MYL10: variants seen among roughly 807,000 people sequenced by gnomAD.
The protein encoded by MYL10 is myosin light chain 10.
Under a neutral mutation model 21.9 loss-of-function variants are expected in MYL10, and 18 were observed. The observed-to-expected ratio is 0.82, with a 90% CI of 0.57 to 1.22. The LOEUF (loss-of-function observed/expected upper bound fraction) is 1.22, where lower values mean the gene tolerates loss of function less well. MYL10 is among the 50% of genes most tolerant of loss of function. The pLI, the probability that MYL10 is intolerant of heterozygous loss-of-function variation, is 0.00. For missense variants in MYL10, 225 were observed against 230.4 expected, an observed-to-expected ratio of 0.98 and a Z score of 0.15; for synonymous variants, 88 against 82.8, an observed-to-expected ratio of 1.06 and a Z score of -0.34.
chr7:101,627,368 G>T, intron 1 of MYL10: 1 of 151,804 alleles, frequency 6.6e-6, no homozygotes, highest in South Asian at 2.0e-4. Context: ...GGGAGGGAGG[G>T]GACCGCAGTG....
chr7:101,616,387 GGGGCAAGT>G, intron 5 of MYL10, 89 bp from the exon 6 acceptor site: 1 of 1,030,030 alleles, frequency 9.7e-7, no homozygotes, highest in Non-Finnish European at 1.5e-6. Flanking sequence ...GCTGGGGCTG[GGGGCAAGT>G]CCCACGGCCC....
At chr7:101,622,926 C>T in intron 4 of MYL10, 71 bp downstream of exon 4, 1 of 1,443,862 alleles carries the variant, frequency 6.9e-7, no homozygotes, top group Non-Finnish European at 9.7e-7. Flanking sequence ...GAGCCCTGCC[C>T]TGCTGGCCCC....
At chr7:101,628,713 C>T (rs1369989537) in intron 1 of MYL10, among the ~76,000 whole-genome samples, 1 of 152,216 alleles carries the variant, frequency 6.6e-6, no homozygotes, top group Non-Finnish European at 1.5e-5. Context: ...CATATCTGAA[C>T]AGCTGCCAGG....
chr7:101,624,333 C>A, intron 1 of MYL10, 69 bp from the exon 2 acceptor site: 2 of 1,164,056 alleles, frequency 1.7e-6, no homozygotes, highest in African/African-American at 1.5e-5. Context: ...CCCTGTCTCA[C>A]CTCCCAGGGC....
chr7:101,628,997 G>A, intron 1 of MYL10, 44 bp downstream of exon 1: 4 of 452,128 alleles, frequency 8.8e-6, no homozygotes, highest in Non-Finnish European at 1.8e-5. Flanking sequence ...CTCACCCAAG[G>A]CAGATAAGAA....
rs186580198 is a variant in MYL10, at chr7:101,624,018, G to C, written c.175C>G (p.Leu59Val). The part of the protein sequence containing the change: ...QSQIQEFKES[L>V]ALSPRLERNG... Reference sequence around the variant, plus strand: ...CGCTCCAGCCTGGGCGACAGAGCCAGACTCTGTCAAACAAACAAATAATAA... The same window carrying C: ...CGCTCCAGCCTGGGCGACAGAGCCACACTCTGTCAAACAAACAAATAATAA... Residue 59 changes from leucine to valine, a missense_variant, in exon 3 of 8, where the codon CTG becomes GTG. Physicochemically the swap from Leu to Val is conservative, Grantham distance 32 (BLOSUM62 1). Transcript: ENST00000223167. The C allele has an allele frequency of 0.011, 6,742 of 631,472 alleles. 47 individuals carry two copies. The highest frequency in any genetic ancestry group is 0.019 in the Middle Eastern group (52 of 2,732). 39.1% of individuals were successfully genotyped at this position (631,472 alleles called of 1,614,324 possible). A position where few individuals can be genotyped will look rare whatever the true frequency, so the allele number is the denominator to read the frequency against.
chr7:101,625,970 C>T (rs1796741114), intron 1 of MYL10, among the ~76,000 whole-genome samples: 1 of 151,798 alleles, frequency 6.6e-6, no homozygotes, highest in Admixed American at 6.6e-5. Context: ...CCCAGAGCTC[C>T]ACGAGGGAGG....
In MYL10 at chr7:101,624,158, G is replaced by GGCA; in HGVS notation, c.171+11_171+13dup. 1 of 1,561,238 alleles carries GGCA rather than the reference G, an allele frequency of 6.4e-7. No homozygotes were observed. The highest frequency in any genetic ancestry group is 1.7e-5 in the Admixed American group (1 of 58,642). On this transcript the variant is annotated intron_variant, in intron 2 of 7. Coordinates refer to ENST00000223167, the MANE Select transcript of MYL10 (RefSeq NM_138403.5). ...AAGAATCCTCATAACAGCCCCATGG[G>GGCA]GCAGCAGACCAACCTCTTTAAACTC...
rs888425546 is a variant in MYL10, at chr7:101,613,383, C to T, written c.*92G>A. The T allele has an allele frequency of 1.9e-6, 2 of 1,050,768 alleles. No individual in the cohort carries two copies. The highest frequency in any genetic ancestry group is 2.9e-6 in the Non-Finnish European group (2 of 683,084). The allele number at this position is 1,050,768 out of a possible 1,614,324, so 65.1% of individuals were successfully genotyped here. On this transcript the variant is annotated 3_prime_UTR_variant, in exon 8 of 8. Coordinates refer to ENST00000223167, the MANE Select transcript of MYL10 (RefSeq NM_138403.5). ...GTCCCCAACCGTAGGACAAGGGAAG[C>T]CTTTTTCCTGCAGCCTCTGGCTGCA... is the stretch of plus-strand genomic sequence containing the variant.
chr7:101,627,859 C>T (rs1796765311), intron 1 of MYL10, among the ~76,000 whole-genome samples: 1 of 152,254 alleles, frequency 6.6e-6, no homozygotes, highest in South Asian at 2.1e-4. Context: ...GAGTGTTGCC[C>T]AGGGTGGGGC....
rs146278444 is a variant in MYL10 at position 101,626,115 on chromosome 7, G to A, written c.79-1851C>T. The stretch of plus-strand genomic sequence containing the variant: ...TGAAAGGAACATCTCAGGGAAGAAG[G>A]GGGGGTCACCCGGATCTGGGTTCAA... On this transcript the variant is annotated intron_variant, in intron 1 of 7. Transcript: ENST00000223167. Among the ~76,000 whole-genome samples, 790 of 152,340 alleles carry A rather than the reference G, an allele frequency of 5.2e-3. 7 individuals carry two copies. The highest frequency in any genetic ancestry group is 0.018 in the African/African-American group (732 of 41,586).
chr7:101,624,208 G>A lies in MYL10; in HGVS notation c.135C>T (p.Ser45=). 1 of 1,613,730 alleles carries A rather than the reference G, an allele frequency of 6.2e-7. No homozygotes were observed. The highest frequency in any genetic ancestry group is 8.5e-7 in the Non-Finnish European group (1 of 1,179,760). ...CCTGGATCTGGGACTGATCAAACAT[G>A]GAGAAGACGTTGGAGCTGGCGGTGC... ...AEGTASSNVF[S]MFDQSQIQEF... Residue 45 remains serine, a synonymous_variant, in exon 2 of 8, where the codon TCC becomes TCT. Transcript: ENST00000223167.
intron 1 of MYL10, among the ~76,000 whole-genome samples, chr7:101,626,394 G>A (rs1158898209): frequency 6.6e-6 from 1 of 152,206 alleles, no homozygotes; most frequent in African/African-American, 2.4e-5. Context: ...GGAGGGACAA[G>A]CGCTGAGAAG....
chr7:101,619,498 G>T (rs1424900973), intron 5 of MYL10, among the ~76,000 whole-genome samples: 1 of 152,182 alleles, frequency 6.6e-6, no homozygotes. Flanking sequence ...CCCACAGCAG[G>T]TCACGACCCA....
intron 6 of MYL10, among the ~76,000 whole-genome samples, chr7:101,615,345 CCTT>C (rs2130734882): frequency 6.6e-6 from 1 of 152,010 alleles, no homozygotes; most frequent in East Asian, 1.9e-4. Context: ...CCTCTCCTCT[CCTT>C]CTCCAGGCTG....
Position 101,622,216 on chromosome 7 carries a change from G to A in MYL10, c.350-16C>T. The stretch of plus-strand genomic sequence containing the variant: ...TTGATGCGGCCTGTGGGAGGTGAGA[G>A]GTGGGGGCAGGGAGGATAAGAGAGA... On this transcript the variant is annotated splice_polypyrimidine_tract_variant and intron_variant, in intron 4 of 7. Transcript: ENST00000223167. 6.3e-7 allele frequency: 1 copy of A among 1,595,392 alleles called. No individual in the cohort carries two copies.
rs574212124 is a variant in MYL10, at chr7:101,619,116, C to T, written c.455-2818G>A. ...ACCACAGGCCACTTCCCCAGGCCCTCCCACTGGCCTTTAACACGCCTCCTT... is the reference window on the plus strand; with the variant it reads ...ACCACAGGCCACTTCCCCAGGCCCTTCCACTGGCCTTTAACACGCCTCCTT... On this transcript the variant is annotated intron_variant, in intron 5 of 7. Coordinates refer to ENST00000223167, the MANE Select transcript of MYL10 (RefSeq NM_138403.5). Among the ~76,000 whole-genome samples, 3 of 152,356 alleles carry T rather than the reference C, an allele frequency of 2.0e-5. No homozygotes were observed. The South Asian group carries it at 6.2e-4, about 32-fold the overall frequency.
intron 1 of MYL10, chr7:101,627,388 A>T (rs4727505): frequency 6.7e-6 from 1 of 149,730 alleles, no homozygotes; most frequent in South Asian, 2.1e-4. Context: ...GCTGAAGCCA[A>T]AGACACAACA....
At chr7:101,614,481 C>G (rs1796585838) in intron 6 of MYL10, among the ~76,000 whole-genome samples, 1 of 152,230 alleles carries the variant, frequency 6.6e-6, no homozygotes, top group African/African-American at 2.4e-5. Flanking sequence ...GATCCAGGTC[C>G]CATGTCCCAA....
Sources: gnomAD v4.1 joint callset for allele counts (sites outside exome capture counted in the v4.1 genomes callset) on GRCh38, gnomAD v4.1.1 for gene constraint, MANE v1.5 for transcripts, NCBI Gene and HGNC (gene_info 2026-07-23, HGNC 2026-07-21) for gene names.